The following RSPH10B variants were observed in gnomAD, a reference collection of about 807,000 sequenced individuals.
RSPH10B encodes radial spoke head 10 homolog B (Chlamydomonas).
A neutral mutation model predicts 52.5 loss-of-function variants in RSPH10B; 7 were observed. The ratio of observed to expected loss-of-function variants is 0.13; its 90% CI spans 0.08 to 0.25. The LOEUF (loss-of-function observed/expected upper bound fraction) is 0.25. RSPH10B is among the 10% of genes least tolerant of loss of function. The probability of loss-of-function intolerance (pLI) is 1.00; values close to 1 mark genes in which losing one functional copy is unlikely to be tolerated. For synonymous variants in RSPH10B, 28 were observed against 193.2 expected (o/e 0.14, Z 7.09); for missense variants, 89 against 542.5 (o/e 0.16, Z 8.30).
intron 15 of RSPH10B, 140 bp downstream of exon 17, chr7:5,937,617 AG>A (rs1033096249): frequency 1.9e-5 from 10 of 535,042 alleles, no homozygotes; most frequent in African/African-American, 1.8e-4. Flanking sequence ...CACGTTAGCC[AG>A]GATGGTCTCG....
At chr7:5,954,755 G>A (rs1780685722) in intron 7 of RSPH10B, among the ~76,000 whole-genome samples, 1 of 36,838 alleles carries the variant, frequency 2.7e-5, no homozygotes, top group African/African-American at 9.1e-5. Context: ...CATGGCAGAC[G>A]ACACTAGATT....
rs71251915 is a variant in RSPH10B at position 5,950,569 on chromosome 7, C to CAA, written c.1224+724_1224+725dup. On this transcript the variant is annotated intron_variant, in intron 9 of 18. Coordinates refer to ENST00000337579, the Ensembl canonical transcript of RSPH10B. ...CCGGGCGACAAAAGGGACTCCGTCT[C>CAA]AAAAAAAAAAAAAAGGAGCAATATT... Among the ~76,000 whole-genome samples, 328 of 133,418 alleles carry CAA rather than the reference C, an allele frequency of 2.5e-3. 1 individual carries two copies. Among genetic ancestry groups the CAA allele is most frequent in the African/African-American group, 5.1e-3 (183 of 36,008 alleles). 87.5% of individuals were successfully genotyped at this position (133,418 alleles called of 152,430 possible).
At chr7:5,953,698 C>T (rs1780645756) in intron 7 of RSPH10B, 1 of 181,624 alleles carries the variant, frequency 5.5e-6, no homozygotes, top group African/African-American at 2.4e-5. Flanking sequence ...TGTATAAGTC[C>T]TCTCTCTCGT....
intron 16 of RSPH10B, 112 bp from the exon 19 acceptor site, chr7:5,932,987 TCCTTGAGC>T (rs1779850317): frequency 1.2e-5 from 1 of 83,212 alleles, no homozygotes. Flanking sequence ...GAGGCTGTTC[TCCTTGAGC>T]TAATTTGACT....
intron 18 of RSPH10B, chr7:5,927,891 A>G (rs1469325153): frequency 4.3e-6 from 2 of 467,278 alleles, no homozygotes; most frequent in Non-Finnish European, 7.8e-6. Flanking sequence ...AGCTGAGATC[A>G]TACCACCCCA....
chr7:5,968,393 A>AAAAAC (rs1680609797), upstream of RSPH10B, among the ~76,000 whole-genome samples: 3 of 138,432 alleles, frequency 2.2e-5, no homozygotes, highest in Admixed American at 7.4e-5. Flanking sequence ...CTGTCTCAAA[A>AAAAAC]AAAACAAAAC....
Position 5,943,602 on chromosome 7 carries a change from G to A in RSPH10B, c.1610-130C>T, listed in dbSNP as rs542448050. On this transcript the variant is annotated intron_variant, in intron 12 of 18. Coordinates refer to ENST00000337579, the Ensembl canonical transcript of RSPH10B. ...GATGTCACCCAGGCTAGAGTGCAGTGGCACCATCTTGGCTCGCTGCAACCT... is the reference window on the plus strand; with the variant it reads ...GATGTCACCCAGGCTAGAGTGCAGTAGCACCATCTTGGCTCGCTGCAACCT... 33 of 697,808 alleles carry A rather than the reference G, an allele frequency of 4.7e-5. 1 individual carries two copies. In the Admixed American group the frequency reaches 9.6e-4, roughly 20 times the overall value. 43.2% of individuals were successfully genotyped at this position (697,808 alleles called of 1,614,324 possible).
At chr7:5,956,773 C>T (rs1780743911) in intron 6 of RSPH10B, among the ~76,000 whole-genome samples, 1 of 124,144 alleles carries the variant, frequency 8.1e-6, no homozygotes, top group East Asian at 2.8e-4. Context: ...TTCACCATAT[C>T]ACCCAGGCTG....
At chr7:5,941,369 AT>A in intron 13 of RSPH10B, among the ~76,000 whole-genome samples, 1 of 141,856 alleles carries the variant, frequency 7.0e-6, no homozygotes, top group South Asian at 2.2e-4. Context: ...TGTATACAAC[AT>A]TATGAAATTT....
At chr7:5,947,803 C>T (rs1353539146) in intron 10 of RSPH10B, among the ~76,000 whole-genome samples, 1 of 88,664 alleles carries the variant, frequency 1.1e-5, no homozygotes, top group Non-Finnish European at 2.4e-5. Flanking sequence ...AGCCTGTTTC[C>T]TAACGGGCCA....
intron 6 of RSPH10B, among the ~76,000 whole-genome samples, chr7:5,956,840 G>A (rs1411694865): frequency 3.2e-5 from 3 of 94,574 alleles, no homozygotes; most frequent in Non-Finnish European, 6.9e-5. Context: ...GGGATTACAC[G>A]TGTGAGCCAC....
chr7:5,943,403 T>C (rs1477793784), exon 13 of RSPH10B: 1 of 1,604,010 alleles, frequency 6.2e-7, no homozygotes, highest in African/African-American at 1.4e-5. Context: ...GTAAGCGAGA[T>C]AAATCTCCCA....
At chr7:5,928,156 A>C (rs146745385) in intron 18 of RSPH10B, 40 bp downstream of exon 20, 17,937 of 1,510,592 alleles carry the variant, frequency 0.012, 1,115 homozygotes, top group African/African-American at 0.017. Context: ...AGGAAGAGAG[A>C]GAGCAGCTGG....
chr7:5,927,022 CGTGTGTGTGTGTGTGTGT>C (rs373901374), intron 18 of RSPH10B, among the ~76,000 whole-genome samples: 1 of 95,926 alleles, frequency 1.0e-5, no homozygotes, highest in African/African-American at 4.8e-5. Context: ...CCCAAAGTTA[CGTGTGTGTGTGTGTGTGT>C]GTGTGTATTA....
chr7:5,944,273 CG>C (rs1299679575), intron 11 of RSPH10B, among the ~76,000 whole-genome samples: 4 of 150,586 alleles, frequency 2.7e-5, no homozygotes, highest in South Asian at 2.1e-4. Context: ...TGGCAGACAC[CG>C]GTAATCCCAG....
chr7:5,927,037 G>GTGTGTATATATATA (rs1779477973), intron 18 of RSPH10B, among the ~76,000 whole-genome samples: 1 of 46,882 alleles, frequency 2.1e-5, no homozygotes, highest in South Asian at 5.5e-4. Context: ...GTGTGTGTGT[G>GTGTGTATATATATA]TGTGTGTGTA....
chr7:5,941,692 C>T (rs1261539738), intron 13 of RSPH10B, among the ~76,000 whole-genome samples: 6 of 138,974 alleles, frequency 4.3e-5, no homozygotes, highest in African/African-American at 1.0e-4. Context: ...TGCAGTGAGC[C>T]GAGACCTCAC....
chr7:5,927,022 C>CGT lies in RSPH10B; in HGVS notation c.2433-476_2433-475dup, dbSNP rs373901374. 4.2e-3 allele frequency among the ~76,000 whole-genome samples: 406 copies of CGT among 95,896 alleles called. 4 individuals carry two copies. Among genetic ancestry groups the CGT allele is most frequent in the South Asian group, 7.7e-3 (24 of 3,116 alleles). 62.9% of individuals were successfully genotyped at this position (95,896 alleles called of 152,430 possible). A position where few individuals can be genotyped will look rare whatever the true frequency, so the allele number is the denominator to read the frequency against. On this transcript the variant is annotated intron_variant, in intron 18 of 18. Transcript: ENST00000337579. ...CACCCACCTCGGCCTCCCAAAGTTA[C>CGT]GTGTGTGTGTGTGTGTGTGTGTGTA...
chr7:5,938,580 CA>C (rs1007469421), intron 14 of RSPH10B, 141 bp downstream of exon 16: 2,334 of 12,692 alleles, frequency 0.18, no homozygotes, highest in East Asian at 0.28. Context: ...ACTCCGTCTC[CA>C]AAAAAAAAAA....
Sources: allele counts gnomAD v4.1 joint callset (sites outside exome capture counted in the v4.1 genomes callset), GRCh38; gene constraint gnomAD v4.1.1; transcripts MANE v1.5; gene names NCBI Gene and HGNC (gene_info 2026-07-23, HGNC 2026-07-21).